The following DAB1 variants were observed in gnomAD, a reference collection of about 807,000 sequenced individuals.
The protein encoded by DAB1 is disabled homolog 1.
A neutral mutation model predicts 64.6 loss-of-function variants in DAB1; 15 were observed. The observed-to-expected ratio is 0.23, with a 90% confidence interval of 0.16 to 0.36. The LOEUF is 0.36. Ranked by LOEUF, DAB1 falls within the 10% of genes least tolerant of loss-of-function variation. The pLI is 1.00. For missense variants in DAB1, 596 were observed against 706.7 expected (o/e 0.84, Z 1.78); for synonymous variants, 235 against 251.9 (o/e 0.93, Z 0.64).
At chr1:57,695,388 G>GA (rs1169135253) in intron 6 of DAB1, among the ~76,000 whole-genome samples, 28 of 78,600 alleles carry the variant, frequency 3.6e-4, no homozygotes, top group East Asian at 1.8e-3. Context: ...AAGAAAGAAA[G>GA]AAAGAAAGAA....
chr1:57,808,831 T>A (rs941189172), intron 6 of DAB1, among the ~76,000 whole-genome samples: 1 of 152,228 alleles, frequency 6.6e-6, no homozygotes, highest in Non-Finnish European at 1.5e-5. Context: ...CCTCATCATA[T>A]AACATGAGCA....
intron 2 of DAB1, among the ~76,000 whole-genome samples, chr1:57,173,395 T>C (rs990253812): frequency 1.3e-5 from 2 of 152,240 alleles, no homozygotes; most frequent in Admixed American, 1.3e-4. Flanking sequence ...CTTGGTTTCA[T>C]GCACAAAATT....
intron 2 of DAB1, among the ~76,000 whole-genome samples, chr1:57,258,809 G>A (rs1262835063): frequency 6.6e-6 from 1 of 152,058 alleles, no homozygotes; most frequent in East Asian, 1.9e-4. Flanking sequence ...TGGGAGGTGG[G>A]GGTAGCAATA....
At chr1:57,577,981 C>G (rs1205416099) in intron 7 of DAB1, among the ~76,000 whole-genome samples, 1 of 152,156 alleles carries the variant, frequency 6.6e-6, no homozygotes, top group Non-Finnish European at 1.5e-5. Flanking sequence ...TGAAGAGTGT[C>G]CCCAGCTGGG....
intron 2 of DAB1, among the ~76,000 whole-genome samples, chr1:57,214,910 C>CAAAA (rs56175448): frequency 0.31 from 17,857 of 57,760 alleles, 2,526 homozygotes; most frequent in Non-Finnish European, 0.41. Context: ...GATTCCCTCT[C>CAAAA]AAAAAAAAAA....
intron 3 of DAB1, among the ~76,000 whole-genome samples, chr1:58,446,093 T>C (rs1314732678): frequency 6.6e-6 from 1 of 152,182 alleles, no homozygotes; most frequent in Non-Finnish European, 1.5e-5. Context: ...AACCATCTAT[T>C]TTATACCATT....
intron 4 of DAB1, among the ~76,000 whole-genome samples, chr1:58,234,157 AG>A (rs1369319229): frequency 1.3e-5 from 2 of 152,234 alleles, no homozygotes; most frequent in Non-Finnish European, 2.9e-5. Flanking sequence ...CCAGGACTTG[AG>A]ACCACACGTT....
At chr1:57,619,754 A>G (rs1053717808) in intron 7 of DAB1, among the ~76,000 whole-genome samples, 6 of 152,096 alleles carry the variant, frequency 3.9e-5, no homozygotes, top group Admixed American at 6.5e-5. Context: ...AGAGTGTCCT[A>G]TGAAATATTT....
chr1:58,416,168 A>G (rs1644718106), intron 3 of DAB1, among the ~76,000 whole-genome samples: 1 of 152,060 alleles, frequency 6.6e-6, no homozygotes, highest in Non-Finnish European at 1.5e-5. Context: ...CACATAGCAT[A>G]CTCATGTCAG....
At chr1:58,501,475 A>C (rs1293306348) in intron 3 of DAB1, among the ~76,000 whole-genome samples, 1 of 152,158 alleles carries the variant, frequency 6.6e-6, no homozygotes, top group African/African-American at 2.4e-5. Flanking sequence ...AACAAAAGCC[A>C]AAGTCCTTAC....
intron 1 of DAB1, among the ~76,000 whole-genome samples, chr1:57,414,263 T>C (rs1397675846): frequency 6.6e-6 from 1 of 152,220 alleles, no homozygotes; most frequent in African/African-American, 2.4e-5. Context: ...ACTTCATTAT[T>C]GTCTTATTTT....
At chr1:58,249,468 C>A (rs1244504337) in intron 4 of DAB1, among the ~76,000 whole-genome samples, 1 of 151,892 alleles carries the variant, frequency 6.6e-6, no homozygotes, top group Non-Finnish European at 1.5e-5. Flanking sequence ...CATCAAAGAG[C>A]CAAGCTGAGA....
At chr1:57,022,147 T>G (rs928471309) in intron 11 of DAB1, among the ~76,000 whole-genome samples, 10 of 152,228 alleles carry the variant, frequency 6.6e-5, no homozygotes, top group Non-Finnish European at 1.5e-4. Context: ...GGGCACCTGG[T>G]GAGCATTTTT....
At chr1:57,092,146 A>AGG (rs1653740894) in intron 4 of DAB1, among the ~76,000 whole-genome samples, 1 of 152,204 alleles carries the variant, frequency 6.6e-6, no homozygotes, top group African/African-American at 2.4e-5. Context: ...CCTACCCCTT[A>AGG]GGGGGACATT....
chr1:58,473,265 G>A (rs1399282121), intron 3 of DAB1, among the ~76,000 whole-genome samples: 2 of 152,136 alleles, frequency 1.3e-5, no homozygotes, highest in African/African-American at 2.4e-5. Flanking sequence ...CATGGGGGCC[G>A]GGCGCGGTGG....
chr1:58,125,519 G>T (rs1653012169), intron 5 of DAB1, among the ~76,000 whole-genome samples: 1 of 148,878 alleles, frequency 6.7e-6, no homozygotes, highest in Non-Finnish European at 1.5e-5. Flanking sequence ...ACAGCTCATT[G>T]CAGCCTCAAC....
chr1:58,118,609 C>T (rs4912180), intron 5 of DAB1, among the ~76,000 whole-genome samples: 12 of 109,626 alleles, frequency 1.1e-4, no homozygotes, highest in South Asian at 3.2e-4. Context: ...TATATATATA[C>T]ATATATATAT....
chr1:57,433,763 A>T (rs111393795), intron 7 of DAB1, among the ~76,000 whole-genome samples: 142 of 152,046 alleles, frequency 9.3e-4, no homozygotes, highest in African/African-American at 3.3e-3. Context: ...CTGACAAAGG[A>T]CTTGAATCCA....
intron 1 of DAB1, among the ~76,000 whole-genome samples, chr1:57,393,425 A>G (rs515148): frequency 0.41 from 62,198 of 151,566 alleles, 13,283 homozygotes; most frequent in African/African-American, 0.47. Context: ...GGGTGCAGTG[A>G]CTCATGCCTG....
Sources: gnomAD v4.1 joint callset for allele counts (sites outside exome capture counted in the v4.1 genomes callset) on GRCh38, gnomAD v4.1.1 for gene constraint, MANE v1.5 for transcripts, NCBI Gene and HGNC (gene_info 2026-07-23, HGNC 2026-07-21) for gene names.